TNR: variants seen among roughly 807,000 people sequenced by gnomAD.
TNR encodes the protein tenascin-R.
In TNR, 45 loss-of-function variants were observed where a neutral mutation model predicts 150.4. That is an observed-to-expected ratio of 0.30 (90% CI 0.24 to 0.38). TNR has a LOEUF of 0.38. TNR is among the 10% of genes least tolerant of loss of function. TNR has a pLI of 1.00. For synonymous variants in TNR, 687 were observed against 678.4 expected (o/e 1.01, Z -0.20); for missense variants, 1,544 against 1,759.1 (o/e 0.88, Z 2.19).
chr1:175,570,646 T>C (rs1232815888), intron 1 of TNR, among the ~76,000 whole-genome samples: 2 of 152,084 alleles, frequency 1.3e-5, no homozygotes, highest in Non-Finnish European at 2.9e-5. Context: ...TTTCCTTCCA[T>C]TTTTCCGCTT....
At chr1:175,709,237 T>C (rs912926449) in intron 1 of TNR, among the ~76,000 whole-genome samples, 1 of 152,042 alleles carries the variant, frequency 6.6e-6, no homozygotes, top group Non-Finnish European at 1.5e-5. Flanking sequence ...TGTGACGATA[T>C]GCCTTGTGTG....
chr1:175,416,914 A>T (rs1392054719), intron 2 of TNR, among the ~76,000 whole-genome samples: 1 of 152,106 alleles, frequency 6.6e-6, no homozygotes, highest in Non-Finnish European at 1.5e-5. Context: ...AGGCTGAGGC[A>T]GGAGAATGGC....
At chr1:175,648,555 GA>G (rs1242519993) in intron 1 of TNR, among the ~76,000 whole-genome samples, 1 of 152,044 alleles carries the variant, frequency 6.6e-6, no homozygotes, top group South Asian at 2.1e-4. Flanking sequence ...TCTGAGAAGG[GA>G]GTGCCTCACC....
intron 1 of TNR, among the ~76,000 whole-genome samples, chr1:175,587,648 A>G (rs1662627167): frequency 6.6e-6 from 1 of 152,236 alleles, no homozygotes; most frequent in African/African-American, 2.4e-5. Flanking sequence ...TTCTGGCTAC[A>G]CAAAAGAATT....
Position 175,317,884 on chromosome 1 carries a change from AG to A in TNR, c.*5472del, listed in dbSNP as rs942049802. ...CCTTATTAAGCTTGAGGAAGGAGAG[AG>A]GATTTCCCCTTTGGAGAAAATGCAA... On this transcript the variant is annotated 3_prime_UTR_variant, in exon 23 of 23. Transcript: ENST00000367674. The A allele has an allele frequency of 1.3e-5, 2 of 152,234 alleles. No homozygotes were observed. Among genetic ancestry groups the A allele is most frequent in the Admixed American group, 1.3e-4 (2 of 15,280 alleles). The allele number at this position is 152,234 out of a possible 1,614,324, so 9.4% of individuals were successfully genotyped here. A position where few individuals can be genotyped will look rare whatever the true frequency, so the allele number is the denominator to read the frequency against.
At chr1:175,556,075 C>A (rs377420491) in intron 1 of TNR, among the ~76,000 whole-genome samples, 8 of 152,238 alleles carry the variant, frequency 5.3e-5, no homozygotes, top group African/African-American at 1.9e-4. Flanking sequence ...AGTTCCTGGG[C>A]CCCTCTGCAA....
intron 1 of TNR, among the ~76,000 whole-genome samples, chr1:175,575,782 G>A (rs79485496): frequency 0.075 from 11,343 of 152,242 alleles, 478 homozygotes; most frequent in Middle Eastern, 0.13. Context: ...GATGGGCTTA[G>A]GAGGCAGTTG....
intron 1 of TNR, among the ~76,000 whole-genome samples, chr1:175,604,344 G>A (rs866578544): frequency 1.6e-4 from 25 of 152,130 alleles, no homozygotes; most frequent in African/African-American, 5.1e-4. Flanking sequence ...TTCTCTCCCC[G>A]ACAACTGACC....
chr1:175,365,141 T>A lies in TNR; in HGVS notation c.2456A>T (p.Glu819Val), dbSNP rs937966650. 6 of 1,613,950 alleles carry A rather than the reference T, an allele frequency of 3.7e-6. No homozygotes were observed. The Admixed American group carries it at 8.3e-5, about 22-fold the overall frequency. ...SPRDEEEEMM[E>V]VSLDATKRHA... ...CCTCTTGGTGGCATCCAGGGAGACC[T>A]CCATCATCTCTTCCTCCTCATCCCT... Residue 819 changes from glutamate to valine, a missense_variant, in exon 12 of 23, where the codon GAG becomes GTG. Physicochemically the swap from Glu to Val is moderately radical, Grantham distance 121. Coordinates refer to ENST00000367674, the MANE Select transcript of TNR (RefSeq NM_003285.3).
chr1:175,455,810 G>C (rs1280916491), intron 2 of TNR, among the ~76,000 whole-genome samples: 1 of 152,222 alleles, frequency 6.6e-6, no homozygotes, highest in Non-Finnish European at 1.5e-5. Flanking sequence ...GGCAGCCAGA[G>C]TAGGTCCTTG....
At chr1:175,680,474 A>C (rs924790906) in intron 1 of TNR, among the ~76,000 whole-genome samples, 21 of 152,252 alleles carry the variant, frequency 1.4e-4, no homozygotes, top group African/African-American at 4.8e-4. Flanking sequence ...TGAGAGAAAG[A>C]GATATTGACA....
intron 18 of TNR, among the ~76,000 whole-genome samples, chr1:175,344,312 G>A (rs1463514009): frequency 6.6e-6 from 1 of 152,188 alleles, no homozygotes. Context: ...TTGAACCTTT[G>A]TTACTAGGCA....
chr1:175,453,740 T>A (rs957536624), intron 2 of TNR, among the ~76,000 whole-genome samples: 4 of 151,952 alleles, frequency 2.6e-5, no homozygotes, highest in Admixed American at 6.6e-5. Context: ...CCTGGCTAAT[T>A]AAAAAAGTTT....
rs751923675 is a variant in TNR, at chr1:175,365,900, C to T, written c.2292G>A (p.Leu764=). The change falls in exon 11 of 23, where the codon TTG becomes TTA. Residue 764 remains leucine (L), a synonymous_variant. Coordinates refer to ENST00000367674, the MANE Select transcript of TNR (RefSeq NM_003285.3). ...VTAERGRQQS[L]ESTVDAFTGF... is the part of the protein sequence containing the mutation. ...CTGTGAAAGCATCCACAGTGGACTC[C>T]AAGCTCTGCTGCCGACCCCTCTCAG... 11 of 1,614,102 alleles carry T rather than the reference C, an allele frequency of 6.8e-6. No homozygotes were observed. The highest frequency in any genetic ancestry group is 9.3e-6 in the Non-Finnish European group (11 of 1,179,978).
rs377081024 is a variant in TNR, at chr1:175,407,851, C to T, written c.-63-1074G>A. On this transcript the variant is annotated intron_variant, in intron 2 of 22. Coordinates refer to ENST00000367674, the MANE Select transcript of TNR (RefSeq NM_003285.3). ...TTAAGATTTGAATGCAGGTCTGACT[C>T]CAAAACCTGTGTTATCAATTACTAT... 6.6e-5 allele frequency among the ~76,000 whole-genome samples: 10 copies of T among 152,270 alleles called. No homozygotes were observed. In the East Asian group the frequency reaches 1.7e-3, roughly 26 times the overall value.
chr1:175,447,669 C>CTTT (rs1259811510), intron 2 of TNR, among the ~76,000 whole-genome samples: 1 of 152,184 alleles, frequency 6.6e-6, no homozygotes, highest in Non-Finnish European at 1.5e-5. Context: ...TGTGTTGTCT[C>CTTT]TTTTTTGTTG....
At chr1:175,634,574 G>T (rs1007988486) in intron 1 of TNR, among the ~76,000 whole-genome samples, 2 of 152,206 alleles carry the variant, frequency 1.3e-5, no homozygotes, top group East Asian at 1.9e-4. Context: ...AAATGTGGGC[G>T]TTGTTTGGGA....
intron 1 of TNR, among the ~76,000 whole-genome samples, chr1:175,562,893 C>T (rs199572700): frequency 8.5e-5 from 13 of 152,096 alleles, no homozygotes; most frequent in African/African-American, 2.4e-4. Flanking sequence ...ACTAGGAAAA[C>T]AAAAACAAAA....
chr1:175,622,205 A>G (rs1406212872), intron 1 of TNR, among the ~76,000 whole-genome samples: 2 of 152,338 alleles, frequency 1.3e-5, no homozygotes, highest in South Asian at 2.1e-4. Flanking sequence ...GAGACTCTGA[A>G]TCTGGAAGGA....
Sources: gnomAD v4.1 joint callset for allele counts (sites outside exome capture counted in the v4.1 genomes callset) on GRCh38, gnomAD v4.1.1 for gene constraint, MANE v1.5 for transcripts, NCBI Gene and HGNC (gene_info 2026-07-23, HGNC 2026-07-21) for gene names.